Variants in PRMT1 observed in about 807,000 individuals in gnomAD.
PRMT1 encodes protein arginine methyltransferase 1.
In PRMT1, 5 loss-of-function variants were observed where a neutral mutation model predicts 47.4. That is an observed-to-expected ratio of 0.11 (90% confidence interval 0.06 to 0.22). PRMT1 has a LOEUF of 0.22. PRMT1 is among the 10% of genes least tolerant of loss of function. The probability of loss-of-function intolerance (pLI) is 1.00; values close to 1 mark genes in which losing one functional copy is unlikely to be tolerated. For missense variants in PRMT1, 249 were observed against 518.4 expected (o/e 0.48, Z 5.05); for synonymous variants, 227 against 204.6 (o/e 1.11, Z -0.94).
Position 49,686,581 on chromosome 19 carries a change from C to T in PRMT1, c.911-24C>T, listed in dbSNP as rs560484280. ...GTTGGGGGGGGCAGCAGGCCGAGGC[C>T]GGCTGACCCGCCCGCGCCCCCAGGC... On this transcript the variant is annotated intron_variant, in intron 9 of 10. Coordinates refer to ENST00000454376, the MANE Select transcript of PRMT1 (RefSeq NM_001536.6). 75 of 1,600,152 alleles carry T rather than the reference C, an allele frequency of 4.7e-5. 1 individual carries two copies. The highest frequency in any genetic ancestry group is 1.1e-4 in the East Asian group (5 of 44,270).
intron 5 of PRMT1, among the ~76,000 whole-genome samples, chr19:49,682,779 ATTTTTTTTTT>A (rs58218406): frequency 1.4e-5 from 1 of 70,978 alleles, no homozygotes; most frequent in Non-Finnish European, 2.5e-5. Flanking sequence ...CATCCCCAGC[ATTTTTTTTTT>A]TTTTTTTTTT....
rs1317965560 is a variant in PRMT1 at position 49,681,601 on chromosome 19, G to A, written c.193-309G>A. On this transcript the variant is annotated intron_variant, in intron 3 of 10. Coordinates refer to ENST00000454376, the MANE Select transcript of PRMT1 (RefSeq NM_001536.6). This position sits in a 1 kb window ranked among gnomAD's most constrained non-coding sequence, Gnocchi z 4.4. ...AAAAATACAAAAATTAGCCGGGCAT[G>A]GTGGTGTGCACCTATAATCTCAGCT... Among the ~76,000 whole-genome samples the A allele has an allele frequency of 6.6e-6, 1 of 152,060 alleles. No homozygotes were observed. Among genetic ancestry groups the A allele is most frequent in the African/African-American group, 2.4e-5 (1 of 41,418 alleles).
At chr19:49,683,772 G>C in intron 5 of PRMT1, 155 bp from the exon 6 acceptor site, 1 of 765,230 alleles carries the variant, frequency 1.3e-6, no homozygotes. Flanking sequence ...TGTCCAGAAC[G>C]ATGTATGAAT....
At position 49,686,596 on chromosome 19, in the gene PRMT1, C is replaced by T. The variant is rs770883413; in HGVS notation, c.911-9C>T. ...AGGCCGAGGCCGGCTGACCCGCCCG[C>T]GCCCCCAGGCCCCGAGTCCCCGTAC... is the stretch of plus-strand genomic sequence containing the variant. On this transcript the variant is annotated splice_polypyrimidine_tract_variant and intron_variant, in intron 9 of 10. Transcript: ENST00000454376. 40 of 1,609,134 alleles carry T rather than the reference C, an allele frequency of 2.5e-5. No individual in the cohort carries two copies. Among genetic ancestry groups the T allele is most frequent in the South Asian group, 2.4e-4 (22 of 90,872 alleles).
At position 49,688,140 on chromosome 19, in the gene PRMT1, C is replaced by T. The variant is rs373760017; in HGVS notation, c.1033-22C>T. The T allele has an allele frequency of 3.7e-6, 6 of 1,612,060 alleles. No homozygotes were observed. The African/African-American group carries it at 8.0e-5, about 22-fold the overall frequency. On this transcript the variant is annotated intron_variant, in intron 10 of 10. Coordinates refer to ENST00000454376, the MANE Select transcript of PRMT1 (RefSeq NM_001536.6). This position sits in a 1 kb window ranked among gnomAD's most constrained non-coding sequence, Gnocchi z 5.3. The stretch of plus-strand genomic sequence containing the variant: ...ACCACCTCCTGGTGGGTTCCGCCCT[C>T]ATGCCCCACCTCTCCCTGCAGCGGG...
rs1047197455 is a variant in PRMT1, at chr19:49,681,848, C to T, written c.193-62C>T. The T allele has an allele frequency of 2.0e-5, 31 of 1,558,400 alleles. No homozygotes were observed. Among genetic ancestry groups the T allele is most frequent in the East Asian group, 1.8e-4 (8 of 44,072 alleles). ...TCTGGCCCTCCGAGCTCTCAGGACA[C>T]GCTGTTCTCCAGCTGGGGATATGGG... On this transcript the variant is annotated intron_variant, in intron 3 of 10. Coordinates refer to ENST00000454376, the MANE Select transcript of PRMT1 (RefSeq NM_001536.6). This position sits in a 1 kb window ranked among gnomAD's most constrained non-coding sequence, Gnocchi z 4.4.
At chr19:49,686,482 A>G in intron 9 of PRMT1, 123 bp from the exon 10 acceptor site, 1 of 1,156,010 alleles carries the variant, frequency 8.7e-7, no homozygotes, top group Non-Finnish European at 1.2e-6. Flanking sequence ...AATGACAGGG[A>G]GGTGACTCGC....
rs777703888 is a variant in PRMT1, at chr19:49,681,887, T to C, written c.193-23T>C. 6.2e-7 allele frequency: 1 copy of C among 1,604,524 alleles called. No homozygotes were observed. The highest frequency in any genetic ancestry group is 1.1e-5 in the South Asian group (1 of 90,434). On this transcript the variant is annotated intron_variant, in intron 3 of 10. Coordinates refer to ENST00000454376, the MANE Select transcript of PRMT1 (RefSeq NM_001536.6). This position sits in a 1 kb window ranked among gnomAD's most constrained non-coding sequence, Gnocchi z 4.4. ...TGGGGATATGGGGCCCCTCACGGCG[T>C]CTCTGTGCCATTCTTGCCCTAGGAG...
Position 49,679,869 on chromosome 19 carries a change from T to C in PRMT1, c.37-3T>C. On this transcript the variant is annotated splice_polypyrimidine_tract_variant and splice_region_variant and intron_variant, in intron 1 of 10. Coordinates refer to ENST00000454376, the MANE Select transcript of PRMT1 (RefSeq NM_001536.6). ...ATCCTTTTTCCCTGTTACTCTCTCCTAGAATTTTGTAGCCACCTTGGCTAA... is the reference window on the plus strand; with the variant it reads ...ATCCTTTTTCCCTGTTACTCTCTCCCAGAATTTTGTAGCCACCTTGGCTAA... 1 of 1,611,546 alleles carries C rather than the reference T, an allele frequency of 6.2e-7. No homozygotes were observed. Among genetic ancestry groups the C allele is most frequent in the East Asian group, 2.2e-5 (1 of 44,854 alleles).
At position 49,685,426 on chromosome 19, in the gene PRMT1, C is replaced by G. The variant is rs909291482; in HGVS notation, c.759+389C>G. 22 of 1,189,158 alleles carry G rather than the reference C, an allele frequency of 1.9e-5. No individual in the cohort carries two copies. The highest frequency in any genetic ancestry group is 1.6e-5 in the African/African-American group (1 of 63,058). The allele number at this position is 1,189,158 out of a possible 1,614,324, so 73.7% of individuals were successfully genotyped here. ...AGGTCCCAGCTACTCGGGAGGATCACTTGGGCCTGGGAGTTCAAGGCTGCA... is the reference window on the plus strand; with the variant it reads ...AGGTCCCAGCTACTCGGGAGGATCAGTTGGGCCTGGGAGTTCAAGGCTGCA... On this transcript the variant is annotated intron_variant, in intron 8 of 10. Transcript: ENST00000454376. This position sits in a 1 kb window ranked among gnomAD's most constrained non-coding sequence, Gnocchi z 4.7.
chr19:49,680,080 T>A lies in PRMT1; in HGVS notation c.90+155T>A. On this transcript the variant is annotated intron_variant, in intron 2 of 10. Transcript: ENST00000454376. This position sits in a 1 kb window ranked among gnomAD's most constrained non-coding sequence, Gnocchi z 4.2. ...GACACTTAGTAGCAACCCCTCCAGG[T>A]TCACAGCCCCCGCTGGCCTCCCCCA... The A allele has an allele frequency of 9.2e-7, 1 of 1,082,980 alleles. No individual in the cohort carries two copies. Among genetic ancestry groups the A allele is most frequent in the Non-Finnish European group, 1.4e-6 (1 of 727,320 alleles). 67.1% of individuals were successfully genotyped at this position (1,082,980 alleles called of 1,614,324 possible). A position where few individuals can be genotyped will look rare whatever the true frequency, so the allele number is the denominator to read the frequency against.
chr19:49,679,973 A>G (rs1333107455), intron 2 of PRMT1, 48 bp downstream of exon 2: 1 of 1,540,106 alleles, frequency 6.5e-7, no homozygotes, highest in Non-Finnish European at 8.9e-7. Flanking sequence ...CTCCACATCA[A>G]TATATCTTGC....
In PRMT1 at chr19:49,684,672, G is replaced by T. The variant is rs915688244; in HGVS notation, c.556-82G>T. The T allele has an allele frequency of 6.9e-7, 1 of 1,441,548 alleles. No homozygotes were observed. The highest frequency in any genetic ancestry group is 9.5e-7 in the Non-Finnish European group (1 of 1,051,708). The allele number at this position is 1,441,548 out of a possible 1,614,324, so 89.3% of individuals were successfully genotyped here. ...CGACATGAGGGTGGCCCAGACCAGG[G>T]CAGGAGGCCACATCTTGGAGGCAAG... On this transcript the variant is annotated intron_variant, in intron 6 of 10. Coordinates refer to ENST00000454376, the MANE Select transcript of PRMT1 (RefSeq NM_001536.6). This position sits in a 1 kb window ranked among gnomAD's most constrained non-coding sequence, Gnocchi z 6.2.
intron 1 of PRMT1, chr19:49,677,616 T>G: frequency 3.3e-6 from 1 of 299,932 alleles, no homozygotes. Context: ...GGAGGGGGTG[T>G]GCCGAGTCCA....
Position 49,685,223 on chromosome 19 carries a change from T to C in PRMT1, c.759+186T>C, listed in dbSNP as rs184417838. ...GTCCTTTAAATATCTTTGTGAGCGC[T>C]GCTGTGTGAGAACCATGCTTGGCAC... On this transcript the variant is annotated intron_variant, in intron 8 of 10. Transcript: ENST00000454376. The surrounding 1 kb of genome is among the most constrained non-coding windows in gnomAD (Gnocchi z 4.7). The C allele has an allele frequency of 2.0e-6, 3 of 1,519,532 alleles. No individual in the cohort carries two copies. The highest frequency in any genetic ancestry group is 1.4e-5 in the African/African-American group (1 of 72,670). 94.1% of individuals were successfully genotyped at this position (1,519,532 alleles called of 1,614,324 possible).
In PRMT1 at chr19:49,681,895, C is replaced by T. The variant is rs200342298; in HGVS notation, c.193-15C>T. The T allele has an allele frequency of 6.2e-7, 1 of 1,608,856 alleles. No individual in the cohort carries two copies. The highest frequency in any genetic ancestry group is 1.3e-5 in the African/African-American group (1 of 74,978). On this transcript the variant is annotated splice_polypyrimidine_tract_variant and intron_variant, in intron 3 of 10. Coordinates refer to ENST00000454376, the MANE Select transcript of PRMT1 (RefSeq NM_001536.6). This position sits in a 1 kb window ranked among gnomAD's most constrained non-coding sequence, Gnocchi z 4.4. ...TGGGGCCCCTCACGGCGTCTCTGTG[C>T]CATTCTTGCCCTAGGAGATGCTGAA...
At chr19:49,683,404 C>T (rs139382535) in intron 5 of PRMT1, among the ~76,000 whole-genome samples, 163 of 151,936 alleles carry the variant, frequency 1.1e-3, no homozygotes, top group African/African-American at 3.7e-3. Flanking sequence ...AAAACAAAAT[C>T]GCGGCCGGGC....
At chr19:49,682,979 G>C (rs1473262063) in intron 5 of PRMT1, among the ~76,000 whole-genome samples, 1 of 151,702 alleles carries the variant, frequency 6.6e-6, no homozygotes, top group Non-Finnish European at 1.5e-5. Flanking sequence ...GTAGAGACGG[G>C]GTTTCACCGT....
chr19:49,686,573 G>A (rs752414597), intron 9 of PRMT1, 32 bp from the exon 10 acceptor site: 3 of 1,596,868 alleles, frequency 1.9e-6, no homozygotes, highest in Non-Finnish European at 1.7e-6. Context: ...GGGGCAGCAG[G>A]CCGAGGCCGG....
Sources: gnomAD v4.1 joint callset for allele counts (sites outside exome capture counted in the v4.1 genomes callset) on GRCh38, gnomAD v4.1.1 for gene constraint, Gnocchi (gnomAD v3.1) non-coding constraint, MANE v1.5 for transcripts, NCBI Gene and HGNC (gene_info 2026-07-23, HGNC 2026-07-21) for gene names.